The following TACR1 variants were observed in gnomAD, a reference collection of about 807,000 sequenced individuals.
TACR1 encodes the protein substance-P receptor.
Under a neutral mutation model 35.8 loss-of-function variants are expected in TACR1, and 25 were observed. That is an observed-to-expected ratio of 0.70 (90% CI 0.51 to 0.98). The LOEUF is 0.98. TACR1 is among the 50% of genes least tolerant of loss of function. The probability of loss-of-function intolerance (pLI) is 0.00; values close to 1 mark genes in which losing one functional copy is unlikely to be tolerated. For synonymous variants in TACR1, 195 were observed against 206.7 expected (o/e 0.94, Z 0.48); for missense variants, 478 against 522.9 (o/e 0.91, Z 0.84).
At chr2:75,078,063 C>T (rs143454325) in intron 2 of TACR1, among the ~76,000 whole-genome samples, 7 of 152,290 alleles carry the variant, frequency 4.6e-5, no homozygotes, top group East Asian at 1.9e-4. Flanking sequence ...TGCAGCAGGA[C>T]GGTGTTTCAA....
chr2:75,083,594 T>C (rs956111326), intron 2 of TACR1, among the ~76,000 whole-genome samples: 146 of 152,234 alleles, frequency 9.6e-4, no homozygotes, highest in Non-Finnish European at 1.7e-3. Flanking sequence ...TATCCTCTTT[T>C]ATTTCCTTGA....
Position 75,199,122 on chromosome 2 carries a change from C to A in TACR1, c.-188G>T. 1 of 667,178 alleles carries A rather than the reference C, an allele frequency of 1.5e-6. No individual in the cohort carries two copies. 41.3% of individuals were successfully genotyped at this position (667,178 alleles called of 1,614,324 possible). Reference sequence around the variant, plus strand: ...ATATAAACGCTTCTGGATGCACTGCCCGCCTGCCCGCGGTGGCTCTGAATT... The same window carrying A: ...ATATAAACGCTTCTGGATGCACTGCACGCCTGCCCGCGGTGGCTCTGAATT... On this transcript the variant is annotated 5_prime_UTR_variant, in exon 1 of 5. Coordinates refer to ENST00000305249, the MANE Select transcript of TACR1 (RefSeq NM_001058.4).
chr2:75,093,584 C>T (rs975971374), intron 2 of TACR1, among the ~76,000 whole-genome samples: 2 of 152,158 alleles, frequency 1.3e-5, no homozygotes, highest in Admixed American at 1.3e-4. Flanking sequence ...TGAGCCCACC[C>T]ATCTGCGTAG....
chr2:75,049,833 T>G, intron 4 of TACR1, 110 bp from the exon 5 acceptor site: 1 of 1,254,166 alleles, frequency 8.0e-7, no homozygotes, highest in South Asian at 1.6e-5. Context: ...GTGATTCTGT[T>G]ATTGTTTTTA....
intron 1 of TACR1, among the ~76,000 whole-genome samples, chr2:75,176,012 C>CAAAAAAAAA (rs34884122): frequency 1.8e-5 from 2 of 109,598 alleles, no homozygotes; most frequent in African/African-American, 3.4e-5. Flanking sequence ...TTGAGCTGTC[C>CAAAAAAAAA]AAAAAAAAAA....
At position 75,050,722 on chromosome 2, in the gene TACR1, C is replaced by G. The variant is rs1672447125; in HGVS notation, c.932+529G>C. 2.0e-5 allele frequency among the ~76,000 whole-genome samples: 3 copies of G among 152,192 alleles called. No individual in the cohort carries two copies. The South Asian group carries it at 6.2e-4, about 32-fold the overall frequency. ...CAATTCCTTTTTGCCTTACCTTGTC[C>G]TGCTGGAACTGCTGGAAGAAAATGG... On this transcript the variant is annotated intron_variant, in intron 4 of 4. Transcript: ENST00000305249.
chr2:75,082,504 T>G (rs1316518710), intron 2 of TACR1, among the ~76,000 whole-genome samples: 1 of 152,182 alleles, frequency 6.6e-6, no homozygotes, highest in Non-Finnish European at 1.5e-5. Flanking sequence ...CGCCACACTG[T>G]CTTCCACAAT....
At chr2:75,196,982 A>G (rs1235897039) in intron 1 of TACR1, among the ~76,000 whole-genome samples, 2 of 152,220 alleles carry the variant, frequency 1.3e-5, no homozygotes, top group Non-Finnish European at 2.9e-5. Flanking sequence ...GGAAGCTGTT[A>G]TGAGATTAAA....
At chr2:75,157,431 G>A (rs909261444) in intron 1 of TACR1, among the ~76,000 whole-genome samples, 2 of 152,160 alleles carry the variant, frequency 1.3e-5, no homozygotes, top group African/African-American at 2.4e-5. Context: ...AACGACCTAC[G>A]AAGACAGGAT....
At chr2:75,066,544 C>T (rs1158861948) in intron 2 of TACR1, among the ~76,000 whole-genome samples, 4 of 152,156 alleles carry the variant, frequency 2.6e-5, no homozygotes, top group African/African-American at 4.8e-5. Context: ...TTCATCTAGA[C>T]GAGTGACTGG....
In TACR1 at chr2:75,198,617, C is replaced by T; in HGVS notation, c.318G>A (p.Lys106=). 6.2e-7 allele frequency: 1 copy of T among 1,614,202 alleles called. No individual in the cohort carries two copies. The highest frequency in any genetic ancestry group is 8.5e-7 in the Non-Finnish European group (1 of 1,180,036). Residue 106 remains lysine, a synonymous_variant, in exon 1 of 5, where the codon AAG becomes AAA. Coordinates refer to ENST00000305249, the MANE Select transcript of TACR1 (RefSeq NM_001058.4). The stretch of plus-strand genomic sequence containing the variant: ...CGGCGATGGGAAAGAAGTTGTGGAA[C>T]TTGCAGTAGAACAGGCCGTAGTACC... ...NEWYYGLFYC[K]FHNFFPIAAV...
intron 1 of TACR1, among the ~76,000 whole-genome samples, chr2:75,144,033 C>T (rs1280397057): frequency 6.6e-6 from 1 of 152,166 alleles, no homozygotes; most frequent in Non-Finnish European, 1.5e-5. Context: ...AGCTCCCTGC[C>T]ACAGGACTGT....
intron 1 of TACR1, among the ~76,000 whole-genome samples, chr2:75,149,642 G>A (rs1176912409): frequency 1.3e-5 from 2 of 152,164 alleles, no homozygotes; most frequent in Non-Finnish European, 2.9e-5. Flanking sequence ...TTTTTGGGCT[G>A]AGATGTTGGG....
chr2:75,061,970 A>G (rs1317268483), intron 2 of TACR1, among the ~76,000 whole-genome samples: 2 of 152,158 alleles, frequency 1.3e-5, no homozygotes, highest in African/African-American at 4.8e-5. Context: ...ATTAGATTAA[A>G]TGTTCCTTCT....
intron 1 of TACR1, among the ~76,000 whole-genome samples, chr2:75,182,977 T>G (rs942416675): frequency 6.6e-6 from 1 of 152,230 alleles, no homozygotes; most frequent in Non-Finnish European, 1.5e-5. Context: ...TAATACTTAT[T>G]TCTCCCAATT....
chr2:75,140,241 A>G (rs932257877), intron 1 of TACR1, among the ~76,000 whole-genome samples: 3 of 152,136 alleles, frequency 2.0e-5, no homozygotes, highest in African/African-American at 7.2e-5. Context: ...GGATGTAAGT[A>G]CACACCTTTT....
chr2:75,161,568 C>T (rs1675010223), intron 1 of TACR1, among the ~76,000 whole-genome samples: 1 of 151,890 alleles, frequency 6.6e-6, no homozygotes. Context: ...AGGAAAATAA[C>T]AACAGAATGC....
intron 1 of TACR1, among the ~76,000 whole-genome samples, chr2:75,185,568 A>G (rs1372574541): frequency 6.6e-6 from 1 of 152,172 alleles, no homozygotes; most frequent in African/African-American, 2.4e-5. Context: ...TTAATTCACA[A>G]ATACAAAGGA....
At chr2:75,198,086 T>G (rs1676036470) in intron 1 of TACR1, among the ~76,000 whole-genome samples, 1 of 152,018 alleles carries the variant, frequency 6.6e-6, no homozygotes, top group Admixed American at 6.6e-5. Context: ...ATCCTCTAGG[T>G]GTACTTAAAA....
Sources: gnomAD v4.1 joint callset for allele counts (sites outside exome capture counted in the v4.1 genomes callset) on GRCh38, gnomAD v4.1.1 for gene constraint, MANE v1.5 for transcripts, NCBI Gene and HGNC (gene_info 2026-07-23, HGNC 2026-07-21) for gene names.